The following RSPH4A variants were observed in gnomAD, a reference collection of about 807,000 sequenced individuals.
The protein encoded by RSPH4A is radial spoke head component 4A, also known as radial spoke head protein 4 homolog A.
In RSPH4A, 47 loss-of-function variants were observed where a neutral mutation model predicts 71.0. That is an observed-to-expected ratio of 0.66 (90% CI 0.52 to 0.84). RSPH4A has a LOEUF of 0.84. Among genes scored for constraint, RSPH4A ranks in the 40% least tolerant of loss-of-function variants. The probability of loss-of-function intolerance (pLI) is 0.00; values close to 1 mark genes in which losing one functional copy is unlikely to be tolerated. For missense variants in RSPH4A, 793 were observed against 855.2 expected (o/e 0.93, Z 0.91); for synonymous variants, 282 against 302.3 (o/e 0.93, Z 0.70).
At chr6:116,623,173 A>G (rs1383640406) in intron 2 of RSPH4A, among the ~76,000 whole-genome samples, 171 bp downstream of exon 2, 2 of 151,972 alleles carry the variant, frequency 1.3e-5, no homozygotes, top group East Asian at 3.8e-4. Context: ...ATCTTGGCTC[A>G]CTGCAGCCTC....
chr6:116,632,587 C>G lies in RSPH4A; in HGVS notation c.*146C>G, dbSNP rs1409411261. On this transcript the variant is annotated 3_prime_UTR_variant, in exon 6 of 6. Transcript: ENST00000229554. ...ACTGCAAAATCTCAATCTTGAAAAT[C>G]AAGCTTGAAATTTCATAGGTAGAAA... 1.1e-5 allele frequency: 12 copies of G among 1,079,132 alleles called. No homozygotes were observed. Among genetic ancestry groups the G allele is most frequent in the Non-Finnish European group, 1.6e-5 (12 of 768,460 alleles). The allele number at this position is 1,079,132 out of a possible 1,614,324, so 66.8% of individuals were successfully genotyped here. A position where few individuals can be genotyped will look rare whatever the true frequency, so the allele number is the denominator to read the frequency against.
chr6:116,629,454 A>T, intron 3 of RSPH4A, 113 bp from the exon 4 acceptor site: 1 of 1,093,936 alleles, frequency 9.1e-7, no homozygotes, highest in South Asian at 1.3e-5. Flanking sequence ...TGAATGAATG[A>T]ATAATTGATT....
chr6:116,623,460 C>T (rs1562390212), intron 2 of RSPH4A, among the ~76,000 whole-genome samples: 2 of 152,144 alleles, frequency 1.3e-5, no homozygotes, highest in Non-Finnish European at 1.5e-5. Context: ...AAACTCTTTT[C>T]ACACTACTCA....
In RSPH4A at chr6:116,627,690, G is replaced by A. The variant is rs202120877; in HGVS notation, c.983G>A (p.Gly328Asp). ...TTTTATTTTGAACAAGCTGGAGTTG[G>A]TTTGGGCACAGATGAGACATACCGC... is the stretch of plus-strand genomic sequence containing the variant. ...SAFYFEQAGV[G>D]LGTDETYRIF... Residue 328 changes from glycine to aspartate, a missense_variant, in exon 3 of 6, where the codon GGT becomes GAT. By Grantham distance (94) the Gly-to-Asp change is moderately conservative (BLOSUM62 -1). Transcript: ENST00000229554. 5.0e-6 allele frequency: 8 copies of A among 1,614,208 alleles called. No homozygotes were observed. In the East Asian group the frequency reaches 1.1e-4, roughly 22 times the overall value.
intron 3 of RSPH4A, among the ~76,000 whole-genome samples, chr6:116,629,120 A>C (rs1775750517): frequency 6.6e-6 from 1 of 152,190 alleles, no homozygotes; most frequent in Non-Finnish European, 1.5e-5. Flanking sequence ...TAGATAAGAG[A>C]TACTCTTAGC....
At chr6:116,622,227 G>C (rs1160564148) in intron 1 of RSPH4A, among the ~76,000 whole-genome samples, 1 of 152,126 alleles carries the variant, frequency 6.6e-6, no homozygotes, top group African/African-American at 2.4e-5. Context: ...GAAGAGAACA[G>C]ATCTTAAAGA....
chr6:116,622,884 T>C lies in RSPH4A; in HGVS notation c.803T>C (p.Phe268Ser), dbSNP rs774797157. Residue 268 changes from phenylalanine to serine, a missense_variant, in exon 2 of 6, where the codon TTT becomes TCT. Physicochemically the swap from Phe to Ser is radical, Grantham distance 155. Transcript: ENST00000229554. ...DVKMAHFSKK[F>S]DALQNENELL... ...AAGATGGCACATTTTAGTAAAAAAT[T>C]TGATGCACTACAAAATGAGAATGAG... is the stretch of plus-strand genomic sequence containing the variant. 1.1e-5 allele frequency: 17 copies of C among 1,613,258 alleles called. No homozygotes were observed. The Admixed American group carries it at 2.7e-4, about 25-fold the overall frequency.
At chr6:116,617,618 G>C (rs1214151497) in intron 1 of RSPH4A, among the ~76,000 whole-genome samples, 1 of 148,642 alleles carries the variant, frequency 6.7e-6, no homozygotes, top group East Asian at 2.0e-4. Context: ...AGACCATAAA[G>C]ACCATAAAGT....
At chr6:116,625,366 GA>G (rs1416736994) in intron 2 of RSPH4A, among the ~76,000 whole-genome samples, 4 of 152,166 alleles carry the variant, frequency 2.6e-5, no homozygotes, top group Admixed American at 2.6e-4. Flanking sequence ...TTAATGTTTG[GA>G]AAAGTCGATT....
At chr6:116,619,436 T>C (rs1300148003) in intron 1 of RSPH4A, among the ~76,000 whole-genome samples, 1 of 152,144 alleles carries the variant, frequency 6.6e-6, no homozygotes, top group African/African-American at 2.4e-5. Context: ...TGGGGATAAA[T>C]GAGAAGCGGT....
chr6:116,623,916 A>G (rs1421341555), intron 2 of RSPH4A, among the ~76,000 whole-genome samples: 1 of 152,238 alleles, frequency 6.6e-6, no homozygotes, highest in Non-Finnish European at 1.5e-5. Context: ...GAAAAAAGCT[A>G]TAATTAGAGA....
intron 3 of RSPH4A, 48 bp from the exon 4 acceptor site, chr6:116,629,519 T>C (rs1172412097): frequency 6.3e-7 from 1 of 1,598,774 alleles, no homozygotes; most frequent in Non-Finnish European, 8.6e-7. Context: ...TAATCTGAAA[T>C]TTTAAGGTCC....
At chr6:116,620,422 T>G (rs1775584241) in intron 1 of RSPH4A, among the ~76,000 whole-genome samples, 1 of 152,180 alleles carries the variant, frequency 6.6e-6, no homozygotes, top group African/African-American at 2.4e-5. Flanking sequence ...ATCTCTTATA[T>G]GCAGATCTAA....
Position 116,617,031 on chromosome 6 carries a change from A to T in RSPH4A, c.408A>T (p.Glu136Asp). The change falls in exon 1 of 6, where the codon GAA (glutamate) becomes GAT (aspartate). Residue 136 changes from glutamate to aspartate, a missense_variant. Physicochemically the swap from Glu to Asp is conservative, Grantham distance 45. Transcript: ENST00000229554. ...DPLEQSSDKR[E>D]STPHHTSQSE... ...TGGAACAATCATCTGATAAAAGAGA[A>T]TCAACTCCTCATCACACAAGCCAGT... 6.2e-7 allele frequency: 1 copy of T among 1,614,208 alleles called. No homozygotes were observed. The highest frequency in any genetic ancestry group is 1.3e-5 in the African/African-American group (1 of 75,052).
At position 116,627,711 on chromosome 6, in the gene RSPH4A, A is replaced by G; in HGVS notation, c.1004A>G (p.Tyr335Cys). The G allele has an allele frequency of 6.2e-7, 1 of 1,614,204 alleles. No homozygotes were observed. The highest frequency in any genetic ancestry group is 8.5e-7 in the Non-Finnish European group (1 of 1,180,030). The part of the protein sequence containing the change: ...AGVGLGTDET[Y>C]RIFLALKQLT... ...GTTGGTTTGGGCACAGATGAGACAT[A>G]CCGCATATTTCTTGCCCTCAAGCAG... is the stretch of plus-strand genomic sequence containing the variant. Residue 335 changes from tyrosine to cysteine, a missense_variant, in exon 3 of 6, where the codon TAC (tyrosine) becomes TGC (cysteine). Transcript: ENST00000229554.
rs781231513 is a variant in RSPH4A, at chr6:116,622,831, C to T, written c.750C>T (p.Asp250=). ...ATGAGCGTCCTGAAAATGCTGTTGA[C>T]ATCTTTGAAAATATTAGCCAAGATG... The part of the protein sequence containing the change: ...ILNERPENAV[D]IFENISQDVK... Residue 250 remains aspartate, a synonymous_variant, in exon 2 of 6, where the codon GAC becomes GAT. Transcript: ENST00000229554. 4 of 1,613,350 alleles carry T rather than the reference C, an allele frequency of 2.5e-6. No individual in the cohort carries two copies. The South Asian group carries it at 4.4e-5, about 18-fold the overall frequency.
chr6:116,627,919 T>A lies in RSPH4A; in HGVS notation c.1212T>A (p.Asp404Glu). 2 of 1,613,996 alleles carry A rather than the reference T, an allele frequency of 1.2e-6. No individual in the cohort carries two copies. Among genetic ancestry groups the A allele is most frequent in the Non-Finnish European group, 1.7e-6 (2 of 1,179,954 alleles). Residue 404 changes from aspartate (D) to glutamate (E), a missense_variant, in exon 3 of 6, where the codon GAT (aspartate) becomes GAA (glutamate). Physicochemically the swap from Asp to Glu is conservative, Grantham distance 45 (BLOSUM62 2). Coordinates refer to ENST00000229554, the MANE Select transcript of RSPH4A (RefSeq NM_001010892.3). ...GESEAHEDEE[D>E]ELPKSFYKAP... ...GTGAAGCTCATGAAGATGAGGAAGATGAATTACCAAAGTCCTTTTACAAGG... is the reference window on the plus strand; with the variant it reads ...GTGAAGCTCATGAAGATGAGGAAGAAGAATTACCAAAGTCCTTTTACAAGG...
chr6:116,629,096 G>A (rs548176539), intron 3 of RSPH4A, among the ~76,000 whole-genome samples: 14 of 152,154 alleles, frequency 9.2e-5, no homozygotes, highest in South Asian at 8.3e-4. Flanking sequence ...GAAAATCTTC[G>A]TTATACTTTG....
In RSPH4A at chr6:116,622,758, G is replaced by C; in HGVS notation, c.687-10G>C. 2.0e-6 allele frequency: 3 copies of C among 1,529,420 alleles called. No individual in the cohort carries two copies. Among genetic ancestry groups the C allele is most frequent in the South Asian group, 2.2e-5 (2 of 89,238 alleles). The allele number at this position is 1,529,420 out of a possible 1,614,324, so 94.7% of individuals were successfully genotyped here. A position where few individuals can be genotyped will look rare whatever the true frequency, so the allele number is the denominator to read the frequency against. On this transcript the variant is annotated splice_polypyrimidine_tract_variant and intron_variant, in intron 1 of 5. Coordinates refer to ENST00000229554, the MANE Select transcript of RSPH4A (RefSeq NM_001010892.3). ...ATGTATATTATCTGGAATTTTCTCT[G>C]TTTGGATAGATATGATCATCTTTCT...
Sources: allele counts gnomAD v4.1 joint callset (sites outside exome capture counted in the v4.1 genomes callset), GRCh38; gene constraint gnomAD v4.1.1; transcripts MANE v1.5; gene names NCBI Gene and HGNC (gene_info 2026-07-23, HGNC 2026-07-21).